The following CACNA1H variants were observed in gnomAD, a reference collection of about 807,000 sequenced individuals.
CACNA1H encodes the protein calcium voltage-gated channel subunit alpha1 H, also known as voltage-dependent T-type calcium channel subunit alpha-1H.
CACNA1H carries 149 observed loss-of-function variants against 192.5 expected under a neutral mutation model. That is an observed-to-expected ratio of 0.77 (90% CI 0.68 to 0.89). CACNA1H has a LOEUF of 0.89. CACNA1H is among the 40% of genes least tolerant of loss of function. The probability of loss-of-function intolerance (pLI) is 0.00; values close to 1 mark genes in which losing one functional copy is unlikely to be tolerated. For missense variants in CACNA1H, 4,257 were observed against 3,423.5 expected, an observed-to-expected ratio of 1.24 and a Z score of -6.08; for synonymous variants, 2,202 against 1,475.2, an observed-to-expected ratio of 1.49 and a Z score of -11.29.
At chr16:1,202,554 G>T in intron 9 of CACNA1H, 102 bp downstream of exon 9, 1 of 1,064,908 alleles carries the variant, frequency 9.4e-7, no homozygotes, top group African/African-American at 1.6e-5. Flanking sequence ...GCACTCTGAT[G>T]AGCCCAGCTT....
chr16:1,220,170 T>A lies in CACNA1H; in HGVS notation c.6238T>A (p.Ser2080Thr), dbSNP rs761247671. 6 of 1,520,614 alleles carry A rather than the reference T, an allele frequency of 3.9e-6. No homozygotes were observed. In the Admixed American group the frequency reaches 1.3e-4, roughly 32 times the overall value. 94.2% of individuals were successfully genotyped at this position (1,520,614 alleles called of 1,614,324 possible). A position where few individuals can be genotyped will look rare whatever the true frequency, so the allele number is the denominator to read the frequency against. Residue 2080 changes from serine (S) to threonine (T), a missense_variant, in exon 35 of 35, where the codon TCC becomes ACC. By Grantham distance (58) the Ser-to-Thr change is moderately conservative (BLOSUM62 1). Transcript: ENST00000348261. ...GCATACCTTCGGACAGCGCTGCGTC[T>A]CCAGCCGGCCGGCGGCCCCAGGCGG... Reference protein sequence around the residue: ...RKHTFGQRCVSSRPAAPGGEE... With the variant: ...RKHTFGQRCVTSRPAAPGGEE...
intron 9 of CACNA1H, among the ~76,000 whole-genome samples, chr16:1,203,369 G>A (rs764833876): frequency 7.9e-5 from 12 of 152,018 alleles, no homozygotes; most frequent in African/African-American, 2.7e-4. Flanking sequence ...CCTGTGTGCT[G>A]TGGCTGCTGG....
At chr16:1,212,879 A>T (rs969445676) in intron 26 of CACNA1H, among the ~76,000 whole-genome samples, 1 of 152,122 alleles carries the variant, frequency 6.6e-6, no homozygotes, top group Non-Finnish European at 1.5e-5. Context: ...GGCTGCGCTG[A>T]GTGCTTCAGT....
chr16:1,217,076 C>T, intron 31 of CACNA1H, 66 bp downstream of exon 31: 2 of 1,342,966 alleles, frequency 1.5e-6, no homozygotes, highest in Non-Finnish European at 2.1e-6. Context: ...TGTGCCCATC[C>T]ACTCACACGC....
At chr16:1,162,004 T>C (rs1272163570) in intron 2 of CACNA1H, among the ~76,000 whole-genome samples, 1 of 152,148 alleles carries the variant, frequency 6.6e-6, no homozygotes, top group East Asian at 1.9e-4. Flanking sequence ...CTGGCAGAGG[T>C]GGGCACTGAG....
intron 1 of CACNA1H, 52 bp from the exon 2 acceptor site, chr16:1,153,668 G>A (rs1961880530): frequency 3.6e-6 from 4 of 1,102,342 alleles, no homozygotes; most frequent in Non-Finnish European, 4.5e-6. Context: ...CGCCGCGGGA[G>A]GCAGGGCGGG....
intron 2 of CACNA1H, among the ~76,000 whole-genome samples, chr16:1,155,114 A>G (rs926359788): frequency 6.6e-6 from 1 of 152,258 alleles, no homozygotes; most frequent in Non-Finnish European, 1.5e-5. Flanking sequence ...ATTAAACACG[A>G]AAGAGGAATC....
At chr16:1,206,407 C>G (rs1968716758) in intron 12 of CACNA1H, 118 bp downstream of exon 12, 6 of 912,858 alleles carry the variant, frequency 6.6e-6, no homozygotes, top group African/African-American at 1.7e-5. Context: ...CCCAGAGCAT[C>G]TGCAGACACT....
At position 1,163,601 on chromosome 16, in the gene CACNA1H, C is replaced by T. The variant is rs977768213; in HGVS notation, c.299+9565C>T. Among the ~76,000 whole-genome samples, 37 of 152,264 alleles carry T rather than the reference C, an allele frequency of 2.4e-4. 1 individual carries two copies. Among genetic ancestry groups the T allele is most frequent in the South Asian group, 2.1e-4 (1 of 4,838 alleles). ...CCCTGCCCTGGTCTTTGCGGGCAGCCGCCAGCCCTGGCTGTGGTCTGATGA... is the reference window on the plus strand; with the variant it reads ...CCCTGCCCTGGTCTTTGCGGGCAGCTGCCAGCCCTGGCTGTGGTCTGATGA... On this transcript the variant is annotated intron_variant, in intron 2 of 34. Coordinates refer to ENST00000348261, the MANE Select transcript of CACNA1H (RefSeq NM_021098.3).
intron 2 of CACNA1H, among the ~76,000 whole-genome samples, chr16:1,169,649 G>C (rs1190687110): frequency 1.3e-5 from 2 of 152,238 alleles, no homozygotes; most frequent in Non-Finnish European, 2.9e-5. Context: ...TCGGAGATCA[G>C]GGAGGCCCCA....
chr16:1,205,371 A>G, intron 11 of CACNA1H, 106 bp downstream of exon 11: 1 of 1,224,200 alleles, frequency 8.2e-7, no homozygotes, highest in Non-Finnish European at 1.1e-6. Context: ...AAGTACGACG[A>G]TAGCTCTTTA....
At chr16:1,177,019 CT>C (rs1331509246) in intron 2 of CACNA1H, among the ~76,000 whole-genome samples, 1 of 152,160 alleles carries the variant, frequency 6.6e-6, no homozygotes, top group Non-Finnish European at 1.5e-5. Flanking sequence ...GCCTCACTCC[CT>C]CCCCCCAGGA....
intron 9 of CACNA1H, among the ~76,000 whole-genome samples, chr16:1,202,761 G>A (rs1027904650): frequency 5.9e-5 from 9 of 152,142 alleles, no homozygotes; most frequent in African/African-American, 2.2e-4. Flanking sequence ...CCCCTGCCTG[G>A]CCCCGAGAGG....
At chr16:1,199,817 C>G (rs1016982358) in intron 6 of CACNA1H, among the ~76,000 whole-genome samples, 125 of 152,098 alleles carry the variant, frequency 8.2e-4, no homozygotes, top group African/African-American at 2.9e-3. Context: ...CCTCCTTTCC[C>G]TCACCCCAGG....
At chr16:1,201,500 G>A (rs546475435) in intron 8 of CACNA1H, among the ~76,000 whole-genome samples, 163 bp from the exon 9 acceptor site, 1 of 152,252 alleles carries the variant, frequency 6.6e-6, no homozygotes, top group African/African-American at 2.4e-5. Flanking sequence ...TCCAGACGTG[G>A]GGGCTCAGCA....
At chr16:1,166,110 C>T (rs1963744743) in intron 2 of CACNA1H, among the ~76,000 whole-genome samples, 2 of 152,238 alleles carry the variant, frequency 1.3e-5, no homozygotes, top group South Asian at 4.1e-4. Context: ...TGTGTTTTCT[C>T]ACTCAGACTC....
In CACNA1H at chr16:1,155,111, A is replaced by G. The variant is rs143673249; in HGVS notation, c.299+1075A>G. 3.8e-3 allele frequency among the ~76,000 whole-genome samples: 584 copies of G among 152,370 alleles called. 4 individuals are homozygous for G. Among genetic ancestry groups the G allele is most frequent in the African/African-American group, 0.013 (528 of 41,590 alleles). On this transcript the variant is annotated intron_variant, in intron 2 of 34. Transcript: ENST00000348261. ...GTGTTTAACTGTACAAATATTAAAC[A>G]CGAAAGAGGAATCTGTACAAAAAAA... is the stretch of plus-strand genomic sequence containing the variant.
At position 1,200,634 on chromosome 16, in the gene CACNA1H, G is replaced by GC. The variant is rs375934557; in HGVS notation, c.1119+71dup. The GC allele has an allele frequency of 4.3e-3, 6,750 of 1,579,356 alleles. 40 individuals carry two copies. Among genetic ancestry groups the GC allele is most frequent in the Non-Finnish European group, 4.3e-3 (4,991 of 1,156,592 alleles). On this transcript the variant is annotated intron_variant, in intron 7 of 34. Transcript: ENST00000348261. ...CGGCAGGGGAGCGGGTGCAGGACTC[G>GC]CCCCCCCCAGCCCAGACCCCAGGGG...
intron 16 of CACNA1H, 37 bp downstream of exon 16, chr16:1,208,258 T>A: frequency 6.8e-7 from 1 of 1,475,772 alleles, no homozygotes; most frequent in East Asian, 2.5e-5. Context: ...TCAGGCCCCT[T>A]CAGGTTTTCC....
Sources: gnomAD v4.1 joint callset for allele counts (sites outside exome capture counted in the v4.1 genomes callset) on GRCh38, gnomAD v4.1.1 for gene constraint, MANE v1.5 for transcripts, NCBI Gene and HGNC (gene_info 2026-07-23, HGNC 2026-07-21) for gene names.